The following WASF3 variants were observed in gnomAD, a reference collection of about 807,000 sequenced individuals.
WASF3 encodes WASP family member 3, also known as actin-binding protein WASF3.
WASF3 carries 11 observed loss-of-function variants against 46.6 expected under a neutral mutation model. The ratio of observed to expected loss-of-function variants is 0.24; its 90% CI spans 0.15 to 0.39. The LOEUF (loss-of-function observed/expected upper bound fraction) is 0.39. Ranked by LOEUF, WASF3 falls within the 10% of genes least tolerant of loss-of-function variation. WASF3 has a pLI of 1.00. For synonymous variants in WASF3, 242 were observed against 259.7 expected (o/e 0.93, Z 0.65); for missense variants, 576 against 669.8 (o/e 0.86, Z 1.55).
At chr13:26,581,519 C>T (rs1593378418) in intron 1 of WASF3, among the ~76,000 whole-genome samples, 2 of 151,888 alleles carry the variant, frequency 1.3e-5, no homozygotes, top group South Asian at 2.1e-4. Flanking sequence ...ATCTATTTCC[C>T]CACAGAAATC....
At chr13:26,625,258 G>A (rs73489397) in intron 2 of WASF3, among the ~76,000 whole-genome samples, 7,493 of 152,150 alleles carry the variant, frequency 0.049, 644 homozygotes, top group African/African-American at 0.17. Flanking sequence ...AGAACATATA[G>A]GATATATAGA....
chr13:26,626,946 C>T (rs1047549820), intron 2 of WASF3, among the ~76,000 whole-genome samples: 2 of 152,126 alleles, frequency 1.3e-5, no homozygotes, highest in African/African-American at 4.8e-5. Flanking sequence ...TCTCTGAGGA[C>T]AGTAGGAAGT....
intron 1 of WASF3, among the ~76,000 whole-genome samples, chr13:26,569,936 C>A (rs370865743): frequency 6.6e-6 from 1 of 152,172 alleles, no homozygotes; most frequent in East Asian, 1.9e-4. Flanking sequence ...ACATTTTTAA[C>A]TTTAGATTAA....
chr13:26,622,798 GTTTC>G (rs1265911132), intron 2 of WASF3: 1 of 152,080 alleles, frequency 6.6e-6, no homozygotes, highest in African/African-American at 2.4e-5. Flanking sequence ...TCTGTTTACT[GTTTC>G]TTTCTTTTTT....
At chr13:26,685,161 G>C (rs556525130) in intron 9 of WASF3, among the ~76,000 whole-genome samples, 1 of 152,132 alleles carries the variant, frequency 6.6e-6, no homozygotes, top group African/African-American at 2.4e-5. Flanking sequence ...GAAAGTAGAT[G>C]ATTGTATTTT....
At chr13:26,616,346 T>A (rs1881133237) in intron 2 of WASF3, among the ~76,000 whole-genome samples, 1 of 152,188 alleles carries the variant, frequency 6.6e-6, no homozygotes, top group Non-Finnish European at 1.5e-5. Flanking sequence ...AATTTGCCTC[T>A]CCTTAATGAC....
At chr13:26,568,474 C>G (rs1320753265) in intron 1 of WASF3, among the ~76,000 whole-genome samples, 1 of 152,038 alleles carries the variant, frequency 6.6e-6, no homozygotes, top group Non-Finnish European at 1.5e-5. Context: ...GACACCTTGA[C>G]CTGAGAATTT....
At chr13:26,673,426 G>GGCAGAAAA (rs1484682282) in intron 6 of WASF3, among the ~76,000 whole-genome samples, 4 of 152,104 alleles carry the variant, frequency 2.6e-5, no homozygotes, top group African/African-American at 9.6e-5. Context: ...GATAAACAGT[G>GGCAGAAAA]GCAGAAAAAA....
At chr13:26,557,987 G>T (rs1279075957) in intron 1 of WASF3, among the ~76,000 whole-genome samples, 168 bp downstream of exon 1, 2 of 150,588 alleles carry the variant, frequency 1.3e-5, no homozygotes, top group East Asian at 3.9e-4. Flanking sequence ...CTGCGGCGCC[G>T]CCTCGCGCCT....
the WASF3 span, among the ~76,000 whole-genome samples, chr13:26,552,216 C>G: frequency 1.2e-4 from 18 of 152,294 alleles, no homozygotes; most frequent in African/African-American, 4.3e-4. Context: ...TGGGCCTTAT[C>G]TATAAAATGG....
At chr13:26,651,976 T>G (rs1234571137) in intron 3 of WASF3, among the ~76,000 whole-genome samples, 1 of 152,200 alleles carries the variant, frequency 6.6e-6, no homozygotes, top group African/African-American at 2.4e-5. Flanking sequence ...ATGATTTGAT[T>G]ATCCCAGAAG....
At chr13:26,571,370 T>C (rs1879628318) in intron 1 of WASF3, among the ~76,000 whole-genome samples, 2 of 152,186 alleles carry the variant, frequency 1.3e-5, no homozygotes, top group Non-Finnish European at 2.9e-5. Flanking sequence ...TTGAGTAGTT[T>C]TCATTTTTTA....
intron 3 of WASF3, among the ~76,000 whole-genome samples, chr13:26,664,307 C>G (rs1018877764): frequency 6.6e-6 from 1 of 152,144 alleles, no homozygotes; most frequent in Non-Finnish European, 1.5e-5. Context: ...GAGTAGGCAG[C>G]TATTTAATAT....
At chr13:26,629,958 C>G (rs1036297215) in intron 2 of WASF3, among the ~76,000 whole-genome samples, 2 of 152,088 alleles carry the variant, frequency 1.3e-5, no homozygotes, top group African/African-American at 4.8e-5. Context: ...CCACAAACTC[C>G]ATATTGTCCT....
chr13:26,681,431 G>T, intron 8 of WASF3, 111 bp downstream of exon 8: 2 of 1,261,916 alleles, frequency 1.6e-6, no homozygotes, highest in Non-Finnish European at 1.1e-6. Flanking sequence ...ATAGAGTCAA[G>T]GATGACTGGA....
intron 3 of WASF3, among the ~76,000 whole-genome samples, chr13:26,650,864 A>C (rs1395804271): frequency 1.3e-5 from 2 of 152,208 alleles, no homozygotes; most frequent in Admixed American, 6.5e-5. Flanking sequence ...AGCAACAACA[A>C]AATTTTAGAG....
chr13:26,679,012 G>A lies in WASF3; in HGVS notation c.717-2042G>A, dbSNP rs1345194023. Among the ~76,000 whole-genome samples, 29 of 142,530 alleles carry A rather than the reference G, an allele frequency of 2.0e-4. No individual in the cohort carries two copies. The highest frequency in any genetic ancestry group is 5.6e-4 in the African/African-American group (21 of 37,280). 93.5% of individuals were successfully genotyped at this position (142,530 alleles called of 152,430 possible). On this transcript the variant is annotated intron_variant, in intron 7 of 9. Coordinates refer to ENST00000335327, the MANE Select transcript of WASF3 (RefSeq NM_006646.6). This position sits in a 1 kb window ranked among gnomAD's most constrained non-coding sequence, Gnocchi z 4.8. Reference sequence around the variant, plus strand: ...TCCCAGCCCTCTTCCTCCTCCTCCCGTGTCGGTGTCATCTCCGGCCCTCCC... The same window carrying A: ...TCCCAGCCCTCTTCCTCCTCCTCCCATGTCGGTGTCATCTCCGGCCCTCCC...
chr13:26,579,994 A>AT (rs747257718), intron 1 of WASF3, among the ~76,000 whole-genome samples: 3 of 152,088 alleles, frequency 2.0e-5, no homozygotes, highest in Non-Finnish European at 4.4e-5. Flanking sequence ...ACATTACAAG[A>AT]TTTTTTTGTG....
At position 26,590,312 on chromosome 13, in the gene WASF3, C is replaced by G. The variant is rs529535506; in HGVS notation, c.-108-22649C>G. On this transcript the variant is annotated intron_variant, in intron 1 of 9. Coordinates refer to ENST00000335327, the MANE Select transcript of WASF3 (RefSeq NM_006646.6). ...ATTTCTGTACTAATAAGATTGCCAC[C>G]TCTTAACTCTTTGTAAAAATGTAAC... 9.5e-4 allele frequency among the ~76,000 whole-genome samples: 144 copies of G among 152,148 alleles called. 1 individual carries two copies. Among genetic ancestry groups the G allele is most frequent in the African/African-American group, 3.4e-3 (140 of 41,518 alleles).
Sources: gnomAD v4.1 joint callset for allele counts (sites outside exome capture counted in the v4.1 genomes callset) on GRCh38, gnomAD v4.1.1 for gene constraint, Gnocchi (gnomAD v3.1) non-coding constraint, MANE v1.5 for transcripts, NCBI Gene and HGNC (gene_info 2026-07-23, HGNC 2026-07-21) for gene names.